RIT2: variants seen among roughly 807,000 people sequenced by gnomAD.
RIT2 encodes Ras like without CAAX 2.
Under a neutral mutation model 23.7 loss-of-function variants are expected in RIT2, and 24 were observed. The observed-to-expected ratio is 1.01, with a 90% CI of 0.73 to 1.43. The LOEUF (loss-of-function observed/expected upper bound fraction) is 1.43. RIT2 is among the 40% of genes most tolerant of loss of function. RIT2 has a pLI of 0.00. For missense variants in RIT2, 236 were observed against 266.9 expected (o/e 0.88, Z 0.81); for synonymous variants, 107 against 91.1 (o/e 1.17, Z -0.99).
intron 3 of RIT2, among the ~76,000 whole-genome samples, chr18:42,973,232 A>C (rs1027350790): frequency 1.3e-5 from 2 of 151,680 alleles, no homozygotes; most frequent in Admixed American, 6.6e-5. Flanking sequence ...TTTAGGACAG[A>C]GAGATTTATT....
intron 1 of RIT2, among the ~76,000 whole-genome samples, chr18:43,112,264 T>C (rs1440139276): frequency 6.6e-6 from 1 of 152,130 alleles, no homozygotes; most frequent in East Asian, 1.9e-4. Flanking sequence ...ATTACCCCCA[T>C]GACCAGGCAC....
At chr18:43,105,909 C>T (rs539974886) in intron 1 of RIT2, among the ~76,000 whole-genome samples, 260 of 152,292 alleles carry the variant, frequency 1.7e-3, no homozygotes, top group Middle Eastern at 0.014. Context: ...GGTAGGGCTT[C>T]ATTCTACAGA....
intron 4 of RIT2, among the ~76,000 whole-genome samples, chr18:42,769,784 T>C (rs1373689415): frequency 6.6e-6 from 1 of 150,892 alleles, no homozygotes; most frequent in Non-Finnish European, 1.5e-5. Flanking sequence ...TTGCAAGATA[T>C]ACCACCATAC....
At chr18:42,930,394 G>T (rs2144143927) in intron 3 of RIT2, among the ~76,000 whole-genome samples, 1 of 151,272 alleles carries the variant, frequency 6.6e-6, no homozygotes, top group Admixed American at 6.6e-5. Flanking sequence ...GAAGAGAAAA[G>T]AATTATGAAA....
rs776641218 is a variant in RIT2 at position 42,923,583 on chromosome 18, G to C, written c.415C>G (p.Gln139Glu). The C allele has an allele frequency of 1.2e-6, 2 of 1,613,086 alleles. No homozygotes were observed. Among genetic ancestry groups the C allele is most frequent in the South Asian group, 2.2e-5 (2 of 91,034 alleles). Reference sequence around the variant, plus strand: ...AAATCGGCACTCACCTGGCGGAACTGTTCCAGATCAATTTTGTTACCCACC... The same window carrying C: ...AAATCGGCACTCACCTGGCGGAACTCTTCCAGATCAATTTTGTTACCCACC... ...VLVGNKIDLEQFRQVSTEEGL... is the reference protein window; with the variant it reads ...VLVGNKIDLEEFRQVSTEEGL... The change falls in exon 4 of 5, where the codon CAG becomes GAG. Residue 139 changes from glutamine (Q) to glutamate (E), a missense_variant. Physicochemically the swap from Gln to Glu is conservative, Grantham distance 29. Coordinates refer to ENST00000326695, the MANE Select transcript of RIT2 (RefSeq NM_002930.4).
chr18:42,861,945 A>G (rs553312401), intron 4 of RIT2, among the ~76,000 whole-genome samples: 21 of 152,324 alleles, frequency 1.4e-4, no homozygotes, highest in Non-Finnish European at 4.4e-5. Context: ...ATCTCTCTGT[A>G]TTGCAACTAC....
chr18:42,811,277 G>T (rs1905842817), intron 4 of RIT2, among the ~76,000 whole-genome samples: 1 of 152,008 alleles, frequency 6.6e-6, no homozygotes. Context: ...ATTAAATGCA[G>T]CACCATCTAT....
chr18:42,795,209 G>A (rs944290660), intron 4 of RIT2, among the ~76,000 whole-genome samples: 5 of 152,212 alleles, frequency 3.3e-5, no homozygotes, highest in Non-Finnish European at 5.9e-5. Flanking sequence ...GCTGGCCAAG[G>A]CCGGAGCCCA....
intron 1 of RIT2, among the ~76,000 whole-genome samples, chr18:43,063,822 G>A (rs1203184652): frequency 6.6e-6 from 1 of 152,104 alleles, no homozygotes; most frequent in Admixed American, 6.6e-5. Context: ...GTCAAAAGTG[G>A]GCTGTGGGAA....
intron 4 of RIT2, among the ~76,000 whole-genome samples, chr18:42,902,780 C>G (rs897232971): frequency 6.6e-6 from 1 of 151,252 alleles, no homozygotes; most frequent in East Asian, 1.9e-4. Flanking sequence ...GAATTGTTAA[C>G]TAATGACAGA....
At chr18:42,755,922 C>T (rs1598641318) in intron 4 of RIT2, among the ~76,000 whole-genome samples, 1 of 151,984 alleles carries the variant, frequency 6.6e-6, no homozygotes, top group East Asian at 1.9e-4. Context: ...GACAGGGAGC[C>T]TTAATCTTAG....
At chr18:42,884,780 C>T (rs1047625982) in intron 4 of RIT2, among the ~76,000 whole-genome samples, 1 of 152,168 alleles carries the variant, frequency 6.6e-6, no homozygotes, top group Non-Finnish European at 1.5e-5. Context: ...AATTTTAAAA[C>T]TTACAGGGAG....
intron 4 of RIT2, among the ~76,000 whole-genome samples, chr18:42,832,222 C>T (rs190028288): frequency 7.9e-4 from 121 of 152,282 alleles, no homozygotes; most frequent in African/African-American, 2.9e-3. Context: ...GGCATTTAAT[C>T]ATTTAGTATT....
chr18:42,840,999 A>G (rs961152017), intron 4 of RIT2, among the ~76,000 whole-genome samples: 4 of 152,188 alleles, frequency 2.6e-5, no homozygotes, highest in African/African-American at 4.8e-5. Context: ...TTTGCACAAA[A>G]TTCCTGTTTG....
At chr18:43,038,938 G>A (rs1457251898) in intron 1 of RIT2, among the ~76,000 whole-genome samples, 1 of 151,924 alleles carries the variant, frequency 6.6e-6, no homozygotes, top group Non-Finnish European at 1.5e-5. Flanking sequence ...ATTGACAGGT[G>A]GTGAGGATCA....
At chr18:43,029,766 G>C (rs1273626048) in intron 2 of RIT2, among the ~76,000 whole-genome samples, 1 of 151,998 alleles carries the variant, frequency 6.6e-6, no homozygotes, top group African/African-American at 2.4e-5. Context: ...AGGATTAGGA[G>C]AGCAGAGGAG....
intron 4 of RIT2, among the ~76,000 whole-genome samples, chr18:42,806,045 AT>A (rs1453175013): frequency 2.0e-5 from 3 of 150,582 alleles, no homozygotes; most frequent in Admixed American, 6.6e-5. Flanking sequence ...TTCACGTCTC[AT>A]TTCATTGACA....
chr18:42,914,111 T>C (rs1236547513), intron 4 of RIT2, among the ~76,000 whole-genome samples: 1 of 152,034 alleles, frequency 6.6e-6, no homozygotes, highest in Non-Finnish European at 1.5e-5. Context: ...TAATGTAAAT[T>C]AAAATCATAA....
chr18:43,113,481 C>A (rs1045361752), intron 1 of RIT2, among the ~76,000 whole-genome samples: 1 of 152,066 alleles, frequency 6.6e-6, no homozygotes, highest in Middle Eastern at 3.2e-3. Context: ...TTGTACAAAG[C>A]AAAGATGAGA....
Sources: gnomAD v4.1 joint callset for allele counts (sites outside exome capture counted in the v4.1 genomes callset) on GRCh38, gnomAD v4.1.1 for gene constraint, MANE v1.5 for transcripts, NCBI Gene and HGNC (gene_info 2026-07-23, HGNC 2026-07-21) for gene names.